Variants in SLC38A4 observed in about 807,000 individuals in gnomAD.
The protein encoded by SLC38A4 is sodium-coupled neutral amino acid transporter 4.
A neutral mutation model predicts 63.1 loss-of-function variants in SLC38A4; 20 were observed. The ratio of observed to expected loss-of-function variants is 0.32; its 90% confidence interval spans 0.22 to 0.46. The LOEUF is 0.46. Ranked by LOEUF, SLC38A4 falls within the 20% of genes least tolerant of loss-of-function variation. The probability of loss-of-function intolerance (pLI) is 1.00; values close to 1 mark genes in which losing one functional copy is unlikely to be tolerated. For missense variants in SLC38A4, 526 were observed against 663.6 expected (o/e 0.79, Z 2.28); for synonymous variants, 230 against 225.5 (o/e 1.02, Z -0.18).
intron 3 of SLC38A4, among the ~76,000 whole-genome samples, chr12:46,790,771 T>C (rs1938868574): frequency 6.6e-6 from 1 of 151,472 alleles, no homozygotes; most frequent in South Asian, 2.1e-4. Context: ...ATGTCCCCAG[T>C]ATGTTAAATG....
At chr12:46,779,726 C>A in intron 9 of SLC38A4, 54 bp downstream of exon 9, 3 of 1,585,162 alleles carry the variant, frequency 1.9e-6, no homozygotes, top group Non-Finnish European at 2.6e-6. Flanking sequence ...ATTAGCTAAC[C>A]TATTTAAATG....
intron 1 of SLC38A4, among the ~76,000 whole-genome samples, chr12:46,832,140 G>A (rs796261309): frequency 3.9e-5 from 6 of 152,098 alleles, no homozygotes; most frequent in African/African-American, 1.2e-4. Flanking sequence ...TAAGAATTAG[G>A]AACTATGAGC....
Position 46,766,548 on chromosome 12 carries a change from C to T in SLC38A4, c.*153G>A, listed in dbSNP as rs947714139. On this transcript the variant is annotated 3_prime_UTR_variant, in exon 17 of 17. Coordinates refer to ENST00000266579, the MANE Select transcript of SLC38A4 (RefSeq NM_018018.5). ...CCTTGACAAAAACAGTGATTTTCCT[C>T]TTCTGCAGGTGCCTGGTGATATTAC... The T allele has an allele frequency of 2.8e-6, 2 of 703,024 alleles. No homozygotes were observed. Among genetic ancestry groups the T allele is most frequent in the Non-Finnish European group, 5.2e-6 (2 of 386,274 alleles). 43.5% of individuals were successfully genotyped at this position (703,024 alleles called of 1,614,324 possible). A position where few individuals can be genotyped will look rare whatever the true frequency, so the allele number is the denominator to read the frequency against.
Position 46,764,834 on chromosome 12 carries a change from G to C in SLC38A4, c.*1867C>G, listed in dbSNP as rs1013521125. The C allele has an allele frequency of 2.6e-5, 4 of 152,392 alleles. No homozygotes were observed. Among genetic ancestry groups the C allele is most frequent in the Non-Finnish European group, 5.9e-5 (4 of 67,958 alleles). 9.4% of individuals were successfully genotyped at this position (152,392 alleles called of 1,614,324 possible). A position where few individuals can be genotyped will look rare whatever the true frequency, so the allele number is the denominator to read the frequency against. On this transcript the variant is annotated 3_prime_UTR_variant, in exon 17 of 17. Transcript: ENST00000266579. Reference sequence around the variant, plus strand: ...TAAAAAAGAAGCCTCCCAATACATTGAGCCATCTTATAAATGAAATAAGAA... The same window carrying C: ...TAAAAAAGAAGCCTCCCAATACATTCAGCCATCTTATAAATGAAATAAGAA...
intron 1 of SLC38A4, among the ~76,000 whole-genome samples, chr12:46,822,232 T>C (rs539751403): frequency 1.3e-5 from 2 of 152,170 alleles, no homozygotes; most frequent in South Asian, 2.1e-4. Context: ...TAACAAAGGG[T>C]AATTATTTAA....
At chr12:46,782,450 G>A (rs1434740353) in intron 7 of SLC38A4, among the ~76,000 whole-genome samples, 2 of 151,608 alleles carry the variant, frequency 1.3e-5, no homozygotes, top group Non-Finnish European at 1.5e-5. Flanking sequence ...GCTGAAAATC[G>A]GTATCATAAG....
intron 12 of SLC38A4, 29 bp downstream of exon 12, chr12:46,778,260 T>C: frequency 6.2e-7 from 1 of 1,605,026 alleles, no homozygotes; most frequent in Non-Finnish European, 8.5e-7. Flanking sequence ...TCAAAGCAAA[T>C]TAGAATGCTA....
intron 14 of SLC38A4, among the ~76,000 whole-genome samples, chr12:46,770,392 T>A (rs1056423576): frequency 6.6e-6 from 1 of 152,060 alleles, no homozygotes; most frequent in Non-Finnish European, 1.5e-5. Flanking sequence ...AGATTGTAAA[T>A]CTATGAAAGG....
chr12:46,769,350 G>A lies in SLC38A4; in HGVS notation c.1378C>T (p.Leu460Phe), dbSNP rs968439079. 1.9e-6 allele frequency: 3 copies of A among 1,613,246 alleles called. No homozygotes were observed. Among genetic ancestry groups the A allele is most frequent in the Non-Finnish European group, 2.5e-6 (3 of 1,179,482 alleles). Reference protein sequence around the residue: ...WIRHFLIAAVLIALNNVLVIL... With the variant: ...WIRHFLIAAVFIALNNVLVIL... Reference sequence around the variant, plus strand: ...ACCAGAACATTATTAAGTGCAATAAGCACAGCTGCAATCAGGAAATGTCGT... The same window carrying A: ...ACCAGAACATTATTAAGTGCAATAAACACAGCTGCAATCAGGAAATGTCGT... Residue 460 changes from leucine to phenylalanine, a missense_variant, in exon 15 of 17, where the codon CTT (leucine) becomes TTT (phenylalanine). Physicochemically the swap from Leu to Phe is conservative, Grantham distance 22. Transcript: ENST00000266579.
chr12:46,781,256 G>T (rs1938632203), intron 7 of SLC38A4, among the ~76,000 whole-genome samples: 1 of 152,126 alleles, frequency 6.6e-6, no homozygotes, highest in African/African-American at 2.4e-5. Flanking sequence ...AGAAGGGCTG[G>T]TGCTTCTTCT....
intron 2 of SLC38A4, among the ~76,000 whole-genome samples, chr12:46,800,030 T>C (rs181587320): frequency 2.4e-4 from 36 of 152,278 alleles, no homozygotes; most frequent in Admixed American, 1.9e-3. Context: ...TAGAAAAGAA[T>C]ATTGCTGGCA....
At chr12:46,815,266 T>C (rs930898845) in intron 1 of SLC38A4, among the ~76,000 whole-genome samples, 1 of 109,906 alleles carries the variant, frequency 9.1e-6, no homozygotes, top group South Asian at 3.7e-4. Flanking sequence ...TATATATATA[T>C]ATATATATAT....
Position 46,780,143 on chromosome 12 carries a change from A to G in SLC38A4, c.494-113T>C, listed in dbSNP as rs1200141231. 6.2e-6 allele frequency: 5 copies of G among 807,758 alleles called. No individual in the cohort carries two copies. In the East Asian group the frequency reaches 7.7e-5, roughly 12 times the overall value. 50.0% of individuals were successfully genotyped at this position (807,758 alleles called of 1,614,324 possible). ...AACATCTAATCCCCCAAATGGAAAA[A>G]AAAGTCATTGTGTATTTGGCACTGC... On this transcript the variant is annotated intron_variant, in intron 7 of 16. Transcript: ENST00000266579.
At chr12:46,810,260 T>C (rs1439433401) in intron 1 of SLC38A4, among the ~76,000 whole-genome samples, 1 of 151,912 alleles carries the variant, frequency 6.6e-6, no homozygotes, top group Non-Finnish European at 1.5e-5. Context: ...AATGGTGAAA[T>C]AGAAAATCTA....
intron 1 of SLC38A4, among the ~76,000 whole-genome samples, chr12:46,809,600 A>G (rs1023901868): frequency 2.6e-5 from 4 of 152,068 alleles, no homozygotes; most frequent in Non-Finnish European, 5.9e-5. Flanking sequence ...CCAGCATGGG[A>G]CATTAACTGA....
intron 3 of SLC38A4, 121 bp from the exon 4 acceptor site, chr12:46,788,739 T>C: frequency 1.2e-6 from 1 of 833,840 alleles, no homozygotes; most frequent in Non-Finnish European, 1.9e-6. Flanking sequence ...ACACCCCAAT[T>C]TTCTTTTCCT....
upstream of SLC38A4, among the ~76,000 whole-genome samples, chr12:46,830,333 CTTCTT>C (rs1452236948): frequency 1.3e-5 from 2 of 151,070 alleles, no homozygotes; most frequent in Non-Finnish European, 2.9e-5. Flanking sequence ...CACACACACT[CTTCTT>C]GTGTTGCACA....
intron 1 of SLC38A4, among the ~76,000 whole-genome samples, chr12:46,824,692 A>G (rs1021131033): frequency 3.9e-5 from 6 of 152,234 alleles, no homozygotes; most frequent in South Asian, 2.1e-4. Flanking sequence ...TTCCATTTAT[A>G]TAATAGTTTC....
chr12:46,798,033 T>C (rs1462610382), intron 2 of SLC38A4, among the ~76,000 whole-genome samples: 1 of 152,152 alleles, frequency 6.6e-6, no homozygotes, highest in African/African-American at 2.4e-5. Context: ...TCTCTTCATT[T>C]CTTTCACCTT....
Sources: allele counts gnomAD v4.1 joint callset (sites outside exome capture counted in the v4.1 genomes callset), GRCh38; gene constraint gnomAD v4.1.1; transcripts MANE v1.5; gene names NCBI Gene and HGNC (gene_info 2026-07-23, HGNC 2026-07-21).